ARHGAP12: variants seen among roughly 807,000 people sequenced by gnomAD.
ARHGAP12 encodes rho GTPase-activating protein 12.
ARHGAP12 carries 64 observed loss-of-function variants against 108.6 expected under a neutral mutation model. The ratio of observed to expected loss-of-function variants is 0.59; its 90% CI spans 0.48 to 0.73. ARHGAP12 has a LOEUF of 0.73. Ranked by LOEUF, ARHGAP12 falls within the 30% of genes least tolerant of loss-of-function variation. The pLI is 0.00. For synonymous variants in ARHGAP12, 312 were observed against 337.2 expected (o/e 0.93, Z 0.82); for missense variants, 940 against 1,005.9 (o/e 0.93, Z 0.89).
At chr10:31,907,256 C>T (rs1008341242) in intron 3 of ARHGAP12, among the ~76,000 whole-genome samples, 14 of 152,006 alleles carry the variant, frequency 9.2e-5, no homozygotes, top group East Asian at 3.9e-4. Flanking sequence ...TTCAATTTCA[C>T]GTATGTACTT....
At chr10:31,869,313 G>A (rs543281194) in intron 3 of ARHGAP12, among the ~76,000 whole-genome samples, 1 of 152,182 alleles carries the variant, frequency 6.6e-6, no homozygotes, top group Non-Finnish European at 1.5e-5. Flanking sequence ...GAAGCAGGAG[G>A]ATCACCTGAG....
intron 3 of ARHGAP12, among the ~76,000 whole-genome samples, chr10:31,902,347 A>G (rs1838962832): frequency 6.6e-6 from 1 of 151,748 alleles, no homozygotes; most frequent in Non-Finnish European, 1.5e-5. Flanking sequence ...AAAAAAAAGA[A>G]TCTTGATCTA....
At chr10:31,896,184 C>T (rs1449181960) in intron 3 of ARHGAP12, among the ~76,000 whole-genome samples, 1 of 151,312 alleles carries the variant, frequency 6.6e-6, no homozygotes. Context: ...CCCATGTATA[C>T]ATATGTAACA....
chr10:31,910,806 C>T (rs1839311466), intron 1 of ARHGAP12, among the ~76,000 whole-genome samples: 1 of 152,158 alleles, frequency 6.6e-6, no homozygotes, highest in Non-Finnish European at 1.5e-5. Flanking sequence ...CTGTCTCAAA[C>T]TTCATTTTGT....
intron 1 of ARHGAP12, 132 bp downstream of exon 1, chr10:31,928,551 C>A: frequency 6.5e-6 from 1 of 153,250 alleles, no homozygotes; most frequent in South Asian, 1.8e-4. Context: ...CCGCCGCCGC[C>A]GCCGCGCCTC....
chr10:31,857,453 G>A (rs973161456), intron 4 of ARHGAP12, among the ~76,000 whole-genome samples: 7 of 152,176 alleles, frequency 4.6e-5, no homozygotes, highest in Non-Finnish European at 7.4e-5. Flanking sequence ...GATGAACAGC[G>A]TGAGGTTAAA....
chr10:31,903,320 A>C (rs1839002874), intron 3 of ARHGAP12, among the ~76,000 whole-genome samples: 1 of 152,194 alleles, frequency 6.6e-6, no homozygotes, highest in Non-Finnish European at 1.5e-5. Context: ...CATAGAAATG[A>C]ACAGTAAGAA....
intron 18 of ARHGAP12, 32 bp downstream of exon 18, chr10:31,808,962 C>G (rs1214354041): frequency 6.5e-7 from 1 of 1,531,570 alleles, no homozygotes; most frequent in East Asian, 2.3e-5. Flanking sequence ...TTTTCAATAT[C>G]TAGAAAAAAC....
At chr10:31,920,487 GCA>G (rs1839756903) in intron 1 of ARHGAP12, among the ~76,000 whole-genome samples, 1 of 132,952 alleles carries the variant, frequency 7.5e-6, no homozygotes, top group African/African-American at 3.2e-5. Flanking sequence ...CTGAAAAGTA[GCA>G]CTTACGCAGC....
intron 6 of ARHGAP12, among the ~76,000 whole-genome samples, chr10:31,848,745 C>G (rs79122725): frequency 0.024 from 3,634 of 152,242 alleles, 156 homozygotes; most frequent in African/African-American, 0.081. Context: ...TGATCATCCA[C>G]AGCATAATTT....
intron 10 of ARHGAP12, among the ~76,000 whole-genome samples, chr10:31,828,327 T>C (rs979030417): frequency 3.3e-5 from 5 of 152,122 alleles, no homozygotes; most frequent in East Asian, 1.9e-4. Context: ...TTTCTTTCAA[T>C]AGATGAGTAG....
intron 6 of ARHGAP12, among the ~76,000 whole-genome samples, chr10:31,848,117 C>A (rs952769416): frequency 6.6e-6 from 1 of 152,178 alleles, no homozygotes; most frequent in African/African-American, 2.4e-5. Context: ...CATTTCAATA[C>A]TCTCCTTGTG....
chr10:31,808,776 T>A lies in ARHGAP12; in HGVS notation c.2264-25A>T, dbSNP rs199703275. 1.2e-4 allele frequency: 196 copies of A among 1,606,444 alleles called. No homozygotes were observed. The East Asian group carries it at 4.2e-3, about 34-fold the overall frequency. On this transcript the variant is annotated intron_variant, in intron 18 of 19. Coordinates refer to ENST00000344936, the MANE Select transcript of ARHGAP12 (RefSeq NM_018287.7). ...TCTGAAAAAAGATAATAACCAGATA[T>A]TTTACAGCAAATTCTTATGAAACTG...
intron 10 of ARHGAP12, among the ~76,000 whole-genome samples, chr10:31,830,871 C>A (rs1275186194): frequency 6.6e-6 from 1 of 152,158 alleles, no homozygotes; most frequent in Non-Finnish European, 1.5e-5. Flanking sequence ...TCTCTCCTGG[C>A]AAAATCAAAG....
chr10:31,919,209 C>G (rs911150486), intron 1 of ARHGAP12, among the ~76,000 whole-genome samples: 1 of 151,926 alleles, frequency 6.6e-6, no homozygotes, highest in Non-Finnish European at 1.5e-5. Context: ...TGGTGGTTAC[C>G]AAGGGATGGA....
intron 3 of ARHGAP12, among the ~76,000 whole-genome samples, chr10:31,862,894 TAG>T (rs1470987276): frequency 1.3e-5 from 2 of 152,242 alleles, no homozygotes; most frequent in Admixed American, 6.5e-5. Flanking sequence ...GAAATGTAAC[TAG>T]AGTTTCATGA....
intron 11 of ARHGAP12, 129 bp downstream of exon 11, chr10:31,826,175 A>G (rs192349015): frequency 1.6e-6 from 1 of 632,560 alleles, no homozygotes; most frequent in African/African-American, 1.9e-5. Flanking sequence ...CTTTAAGAAG[A>G]TTTTATTCAT....
At chr10:31,885,859 CAAAT>C (rs1475480300) in intron 3 of ARHGAP12, among the ~76,000 whole-genome samples, 2 of 149,714 alleles carry the variant, frequency 1.3e-5, no homozygotes, top group African/African-American at 4.9e-5. Context: ...CACAAACAAA[CAAAT>C]ACACAGTTAT....
intron 8 of ARHGAP12, 97 bp downstream of exon 8, chr10:31,839,540 G>A: frequency 1.6e-6 from 2 of 1,216,766 alleles, no homozygotes; most frequent in Admixed American, 5.3e-5. Flanking sequence ...AAATTTAATA[G>A]AAGCTCATTT....
Sources: allele counts gnomAD v4.1 joint callset (sites outside exome capture counted in the v4.1 genomes callset), GRCh38; gene constraint gnomAD v4.1.1; transcripts MANE v1.5; gene names NCBI Gene and HGNC (gene_info 2026-07-23, HGNC 2026-07-21).